Variants in WDR19 observed in about 807,000 individuals in gnomAD.
The protein encoded by WDR19 is WD repeat domain 19.
Under a neutral mutation model 180.0 loss-of-function variants are expected in WDR19, and 121 were observed. That is an observed-to-expected ratio of 0.67 (90% CI 0.58 to 0.78). The LOEUF is 0.78. WDR19 is among the 30% of genes least tolerant of loss of function. WDR19 has a pLI of 0.00. For synonymous variants in WDR19, 497 were observed against 540.7 expected (o/e 0.92, Z 1.12); for missense variants, 1,450 against 1,640.7 (o/e 0.88, Z 2.01).
chr4:39,275,370 A>G (rs62308322), intron 33 of WDR19: 39,417 of 273,380 alleles, frequency 0.14, 3,870 homozygotes, highest in Non-Finnish European at 0.2. Context: ...GGGCATATCA[A>G]TTAGGATTGT....
At chr4:39,230,358 G>GACTTCCCCA (rs1560516402) in intron 17 of WDR19, among the ~76,000 whole-genome samples, 1 of 152,032 alleles carries the variant, frequency 6.6e-6, no homozygotes, top group African/African-American at 2.4e-5. Context: ...AGCCTTCCCC[G>GACTTCCCCA]ACTTCCCCAC....
chr4:39,261,790 C>G (rs1352686036), intron 28 of WDR19, among the ~76,000 whole-genome samples: 3 of 152,208 alleles, frequency 2.0e-5, no homozygotes, highest in Non-Finnish European at 4.4e-5. Flanking sequence ...ATTCTGTAAT[C>G]CCACAGTACT....
chr4:39,281,236 T>TATAGAGAGAGAGAGAGAGAGAGAG (rs762298152), intron 36 of WDR19, among the ~76,000 whole-genome samples: 12 of 104,006 alleles, frequency 1.2e-4, no homozygotes, highest in African/African-American at 2.1e-4. Context: ...TATATATATA[T>TATAGAGAGAGAGAGAGAGAGAGAG]AGAGAGAGAG....
chr4:39,271,712 C>T (rs945706754), intron 31 of WDR19, among the ~76,000 whole-genome samples: 2 of 152,128 alleles, frequency 1.3e-5, no homozygotes, highest in Non-Finnish European at 2.9e-5. Flanking sequence ...TACATCTTTC[C>T]GTATTAATGC....
intron 17 of WDR19, 87 bp downstream of exon 17, chr4:39,228,777 A>T: frequency 1.3e-5 from 17 of 1,344,370 alleles, no homozygotes; most frequent in East Asian, 5.0e-5. Context: ...ATCTTATTTT[A>T]TTGCTTTATT....
At chr4:39,217,297 T>C (rs537710841) in intron 13 of WDR19, 57 bp downstream of exon 13, 2 of 1,337,496 alleles carry the variant, frequency 1.5e-6, no homozygotes, top group African/African-American at 2.9e-5. Context: ...CAGCCTAATG[T>C]CTGATTATCA....
chr4:39,235,562 G>A (rs1731292031), intron 20 of WDR19, among the ~76,000 whole-genome samples: 1 of 152,096 alleles, frequency 6.6e-6, no homozygotes, highest in African/African-American at 2.4e-5. Context: ...AAACCATAGT[G>A]AAAAACACCA....
chr4:39,185,773 G>A lies in WDR19; in HGVS notation c.54G>A (p.Gln18=). ...AGACTTGGCTTGGCGCACCAATACA[G>A]TTTGCCTGGCAAAAAACATCAGGAA... ...LEKTWLGAPI[Q]FAWQKTSGNY... The change falls in exon 2 of 37, where the codon CAG becomes CAA. Residue 18 remains glutamine (Q), a synonymous_variant. Transcript: ENST00000399820. 1.3e-6 allele frequency: 2 copies of A among 1,559,286 alleles called. No homozygotes were observed. Among genetic ancestry groups the A allele is most frequent in the South Asian group, 1.2e-5 (1 of 84,462 alleles).
In WDR19 at chr4:39,199,564, A is replaced by G; in HGVS notation, c.493A>G (p.Ser165Gly). ...LGGEDKMITVSNQEGDTIRQT... is the reference protein window; with the variant it reads ...LGGEDKMITVGNQEGDTIRQT... ...TGGTGAAGATAAAATGATTACAGTT[A>G]GTAATCAGGAAGGTGACACGATAAG... Residue 165 changes from serine to glycine, a missense_variant, in exon 6 of 37, where the codon AGT becomes GGT. By Grantham distance (56) the Ser-to-Gly change is moderately conservative (BLOSUM62 0). Transcript: ENST00000399820. The G allele has an allele frequency of 6.2e-7, 1 of 1,613,098 alleles. No homozygotes were observed. The highest frequency in any genetic ancestry group is 1.1e-5 in the South Asian group (1 of 91,060).
chr4:39,233,115 T>C (rs1370374962), intron 19 of WDR19, among the ~76,000 whole-genome samples: 2 of 152,200 alleles, frequency 1.3e-5, no homozygotes, highest in African/African-American at 4.8e-5. Context: ...GTTTTTTCTC[T>C]ATTTTCCAGA....
In WDR19 at chr4:39,280,618, G is replaced by A. The variant is rs183038205; in HGVS notation, c.*13+1955G>A. 3.9e-5 allele frequency among the ~76,000 whole-genome samples: 6 copies of A among 152,140 alleles called. No homozygotes were observed. In the East Asian group the frequency reaches 1.2e-3, roughly 29 times the overall value. On this transcript the variant is annotated intron_variant, in intron 36 of 36. Coordinates refer to ENST00000399820, the MANE Select transcript of WDR19 (RefSeq NM_025132.4). ...TGAAGTGAGCTGTGATCAAGCCACT[G>A]TACTCCAGCCTGGGCAACAGGCTCA...
At chr4:39,281,531 AT>A (rs1307406827) in intron 36 of WDR19, among the ~76,000 whole-genome samples, 1 of 150,488 alleles carries the variant, frequency 6.6e-6, no homozygotes, top group African/African-American at 2.4e-5. Context: ...CCAATGTGTT[AT>A]TTTTTTTTCC....
At position 39,244,568 on chromosome 4, in the gene WDR19, G is replaced by A. The variant is rs771913668; in HGVS notation, c.2645+16G>A. The A allele has an allele frequency of 3.4e-5, 55 of 1,613,634 alleles. No homozygotes were observed. The highest frequency in any genetic ancestry group is 1.6e-4 in the Middle Eastern group (1 of 6,084). On this transcript the variant is annotated intron_variant, in intron 23 of 36. Transcript: ENST00000399820. ...CTAAGAATTGGTAAGAGCTGCCTGC[G>A]GTTTGTTTCTGAACAGGATTGGAAA...
intron 36 of WDR19, among the ~76,000 whole-genome samples, chr4:39,281,511 T>C (rs915715073): frequency 3.3e-5 from 5 of 152,142 alleles, no homozygotes; most frequent in Non-Finnish European, 7.4e-5. Context: ...AGTCAGGTAC[T>C]GTGGATCCTC....
chr4:39,211,540 A>G (rs959808806), intron 9 of WDR19, among the ~76,000 whole-genome samples: 1 of 152,230 alleles, frequency 6.6e-6, no homozygotes, highest in African/African-American at 2.4e-5. Flanking sequence ...TCCTAGAACT[A>G]AAACTAATAA....
intron 31 of WDR19, among the ~76,000 whole-genome samples, chr4:39,272,135 G>T (rs1466032269): frequency 6.6e-6 from 1 of 152,180 alleles, no homozygotes; most frequent in Admixed American, 6.5e-5. Context: ...TTTCTCAGCT[G>T]CAGACATGAG....
chr4:39,218,256 G>A (rs1577906658), intron 14 of WDR19, 151 bp downstream of exon 14: 2 of 1,006,490 alleles, frequency 2.0e-6, no homozygotes, highest in Middle Eastern at 3.1e-4. Context: ...ACATTCATGT[G>A]TCTCTTTGCA....
intron 36 of WDR19, among the ~76,000 whole-genome samples, chr4:39,280,407 C>T (rs1296480930): frequency 1.3e-5 from 2 of 151,992 alleles, no homozygotes; most frequent in African/African-American, 2.4e-5. Flanking sequence ...GCTTATAATC[C>T]CAGTGCTTTG....
intron 14 of WDR19, chr4:39,218,882 C>A (rs919384836): frequency 4.0e-5 from 6 of 150,706 alleles, no homozygotes; most frequent in Non-Finnish European, 8.9e-5. Flanking sequence ...CTTTTTTTAA[C>A]TTTTAAACTT....
Sources: gnomAD v4.1 joint callset for allele counts (sites outside exome capture counted in the v4.1 genomes callset) on GRCh38, gnomAD v4.1.1 for gene constraint, MANE v1.5 for transcripts, NCBI Gene and HGNC (gene_info 2026-07-23, HGNC 2026-07-21) for gene names.